The following EGFLAM variants were observed in gnomAD, a reference collection of about 807,000 sequenced individuals.
The protein encoded by EGFLAM is pikachurin.
Under a neutral mutation model 113.1 loss-of-function variants are expected in EGFLAM, and 79 were observed. The ratio of observed to expected loss-of-function variants is 0.70; its 90% CI spans 0.58 to 0.84. EGFLAM has a LOEUF of 0.84. Among genes scored for constraint, EGFLAM ranks in the 40% least tolerant of loss-of-function variants. The probability of loss-of-function intolerance (pLI) is 0.00; values close to 1 mark genes in which losing one functional copy is unlikely to be tolerated. For synonymous variants in EGFLAM, 504 were observed against 487.6 expected (o/e 1.03, Z -0.44); for missense variants, 1,265 against 1,291.6 (o/e 0.98, Z 0.32).
intron 20 of EGFLAM, among the ~76,000 whole-genome samples, chr5:38,460,601 C>T (rs1743239201): frequency 6.6e-6 from 1 of 152,154 alleles, no homozygotes; most frequent in Non-Finnish European, 1.5e-5. Flanking sequence ...TCATGGATAC[C>T]TCTGCTGGTG....
chr5:38,444,223 G>C (rs1232078674), intron 17 of EGFLAM, among the ~76,000 whole-genome samples: 1 of 151,800 alleles, frequency 6.6e-6, no homozygotes, highest in East Asian at 1.9e-4. Flanking sequence ...ATAAATGTAA[G>C]AAAATGAAAA....
Position 38,425,028 on chromosome 5 carries a change from A to G in EGFLAM, c.1746A>G (p.Ala582=). 6.2e-7 allele frequency: 1 copy of G among 1,614,134 alleles called. No homozygotes were observed. Among genetic ancestry groups the G allele is most frequent in the Non-Finnish European group, 8.5e-7 (1 of 1,180,004 alleles). Residue 582 remains alanine, a synonymous_variant, in exon 13 of 22, where the codon GCA becomes GCG. Transcript: ENST00000322350. ...GCATCCATGGTGGCACCTGCACAGCAATCAAAGCCGACTCCTACATTTGCC... is the reference window on the plus strand; with the variant it reads ...GCATCCATGGTGGCACCTGCACAGCGATCAAAGCCGACTCCTACATTTGCC... The part of the protein sequence containing the change: ...ASCIHGGTCT[A]IKADSYICLC...
At chr5:38,463,757 C>A in intron 21 of EGFLAM, 75 bp from the exon 22 acceptor site, 1 of 1,576,730 alleles carries the variant, frequency 6.3e-7, no homozygotes. Flanking sequence ...TCAAGTGCCC[C>A]AAACTGGAAC....
chr5:38,416,520 G>A (rs968654539), intron 11 of EGFLAM, among the ~76,000 whole-genome samples: 1 of 152,180 alleles, frequency 6.6e-6, no homozygotes, highest in Non-Finnish European at 1.5e-5. Flanking sequence ...AAGCTCCAGG[G>A]ATCAGAAGGC....
chr5:38,370,907 G>T (rs1482581201), intron 6 of EGFLAM, among the ~76,000 whole-genome samples: 2 of 152,208 alleles, frequency 1.3e-5, no homozygotes, highest in East Asian at 3.9e-4. Flanking sequence ...GATGGTCGAG[G>T]AGTATCAAAG....
intron 1 of EGFLAM, among the ~76,000 whole-genome samples, chr5:38,316,984 G>T (rs1449211049): frequency 6.6e-6 from 1 of 152,156 alleles, no homozygotes; most frequent in East Asian, 1.9e-4. Flanking sequence ...TAGTCTGCTT[G>T]CTTCCGGCAA....
intron 1 of EGFLAM, among the ~76,000 whole-genome samples, chr5:38,294,113 A>G (rs968747915): frequency 2.0e-5 from 3 of 152,198 alleles, no homozygotes; most frequent in Non-Finnish European, 4.4e-5. Context: ...GCTGGACTCA[A>G]CAAGGCAGTG....
intron 19 of EGFLAM, among the ~76,000 whole-genome samples, chr5:38,454,313 A>C (rs7734552): frequency 0.074 from 11,213 of 152,128 alleles, 1,359 homozygotes; most frequent in African/African-American, 0.25. Flanking sequence ...TGCCCTGAGA[A>C]ACAGGGTCTG....
intron 18 of EGFLAM, 77 bp downstream of exon 18, chr5:38,448,456 A>T (rs774506374): frequency 1.4e-6 from 2 of 1,432,166 alleles, no homozygotes; most frequent in Non-Finnish European, 2.0e-6. Flanking sequence ...GCTTTTTCTT[A>T]TATTTCATGC....
intron 6 of EGFLAM, chr5:38,403,757 A>G (rs911803908): frequency 2.3e-5 from 36 of 1,566,056 alleles, no homozygotes; most frequent in Non-Finnish European, 3.0e-5. Context: ...GAAAGCAAAA[A>G]TACAGATAAG....
chr5:38,261,135 C>G (rs1449932900), intron 1 of EGFLAM, among the ~76,000 whole-genome samples: 1 of 152,130 alleles, frequency 6.6e-6, no homozygotes, highest in Non-Finnish European at 1.5e-5. Flanking sequence ...CAAAATCAAC[C>G]TGGAAATTCC....
intron 6 of EGFLAM, among the ~76,000 whole-genome samples, chr5:38,400,518 G>T (rs371399567): frequency 6.6e-6 from 1 of 152,082 alleles, no homozygotes; most frequent in East Asian, 1.9e-4. Context: ...GGCTTGGACC[G>T]TACATTCTGT....
chr5:38,343,832 T>C (rs1283359769), intron 3 of EGFLAM, among the ~76,000 whole-genome samples: 1 of 152,232 alleles, frequency 6.6e-6, no homozygotes, highest in Non-Finnish European at 1.5e-5. Flanking sequence ...GTTTACTAGC[T>C]ATTAATGAAG....
chr5:38,397,223 A>C (rs930166624), intron 6 of EGFLAM, among the ~76,000 whole-genome samples: 1 of 152,280 alleles, frequency 6.6e-6, no homozygotes, highest in African/African-American at 2.4e-5. Context: ...CACCAGTCAA[A>C]CCACTGCATT....
intron 1 of EGFLAM, among the ~76,000 whole-genome samples, chr5:38,337,021 T>G (rs917553875): frequency 6.6e-6 from 1 of 152,240 alleles, no homozygotes; most frequent in African/African-American, 2.4e-5. Context: ...TTAAGATAGA[T>G]AGTAAAGCAT....
intron 1 of EGFLAM, among the ~76,000 whole-genome samples, chr5:38,336,373 A>G (rs1185455444): frequency 6.6e-6 from 1 of 152,170 alleles, no homozygotes; most frequent in African/African-American, 2.4e-5. Flanking sequence ...GGAGATCGAG[A>G]CCATCTTGGC....
intron 1 of EGFLAM, among the ~76,000 whole-genome samples, chr5:38,305,067 C>T (rs773546518): frequency 4.6e-5 from 7 of 151,916 alleles, no homozygotes; most frequent in South Asian, 2.1e-4. Context: ...AAAATTAGTG[C>T]CTCAATTCAG....
chr5:38,349,597 A>G (rs1160046289), intron 3 of EGFLAM, among the ~76,000 whole-genome samples: 1 of 152,182 alleles, frequency 6.6e-6, no homozygotes, highest in Non-Finnish European at 1.5e-5. Context: ...CTACAATGCC[A>G]GTGCCCTTTC....
intron 4 of EGFLAM, 66 bp downstream of exon 4, chr5:38,350,684 T>C: frequency 6.9e-7 from 1 of 1,439,376 alleles, no homozygotes; most frequent in Non-Finnish European, 9.7e-7. Context: ...ATTCAGCAAA[T>C]ATCAATAGGG....
Sources: gnomAD v4.1 joint callset for allele counts (sites outside exome capture counted in the v4.1 genomes callset) on GRCh38, gnomAD v4.1.1 for gene constraint, MANE v1.5 for transcripts, NCBI Gene and HGNC (gene_info 2026-07-23, HGNC 2026-07-21) for gene names.